Variants in GLI2 observed in about 807,000 individuals in gnomAD.
GLI2 encodes GLI family zinc finger 2, also known as transcription activator GLI2.
In GLI2, 22 loss-of-function variants were observed where a neutral mutation model predicts 78.9. The ratio of observed to expected loss-of-function variants is 0.28; its 90% CI spans 0.20 to 0.40. The LOEUF is 0.40. GLI2 is among the 10% of genes least tolerant of loss of function. The pLI, the probability that GLI2 is intolerant of heterozygous loss-of-function variation, is 1.00. For missense variants in GLI2, 2,097 were observed against 2,213.2 expected (o/e 0.95, Z 1.05); for synonymous variants, 974 against 963.7 (o/e 1.01, Z -0.20).
At chr2:120,933,207 G>A (rs942668632) in intron 3 of GLI2, among the ~76,000 whole-genome samples, 1 of 152,116 alleles carries the variant, frequency 6.6e-6, no homozygotes, top group South Asian at 2.1e-4. Context: ...AGCCCAGCTC[G>A]ATGGCCTCCT....
chr2:120,792,257 G>C (rs1160598160), intron 1 of GLI2: 1 of 152,214 alleles, frequency 6.6e-6, no homozygotes, highest in Non-Finnish European at 1.5e-5. Context: ...AACCTTTTCT[G>C]CGCCGTGGGC....
At position 120,737,835 on chromosome 2, in the gene GLI2, T is replaced by C. The variant is rs1682415909; in HGVS notation, c.-31+1550T>C. ...GTATTGGCATGCTCAGGGGGCTCGG[T>C]GCCAAAAAGTAAAGTAAATAAACTG... is the stretch of plus-strand genomic sequence containing the variant. On this transcript the variant is annotated intron_variant, in intron 1 of 13. Coordinates refer to ENST00000361492, the MANE Select transcript of GLI2 (RefSeq NM_001374353.1). The surrounding 1 kb of genome is among the most constrained non-coding windows in gnomAD (Gnocchi z 4.3). Among the ~76,000 whole-genome samples, 1 of 152,218 alleles carries C rather than the reference T, an allele frequency of 6.6e-6. No individual in the cohort carries two copies. Among genetic ancestry groups the C allele is most frequent in the African/African-American group, 2.4e-5 (1 of 41,450 alleles).
intron 9 of GLI2, 96 bp from the exon 10 acceptor site, chr2:120,978,338 T>TGG: frequency 7.5e-7 from 1 of 1,336,614 alleles, no homozygotes; most frequent in Non-Finnish European, 1.1e-6. Context: ...CGGGGAGGGC[T>TGG]GGGGGGGTGC....
chr2:120,813,030 C>A (rs1467725614), intron 2 of GLI2, among the ~76,000 whole-genome samples: 3 of 151,410 alleles, frequency 2.0e-5, no homozygotes, highest in Non-Finnish European at 4.4e-5. Context: ...ACTGCGAGGT[C>A]CCCAGACGAT....
rs1682201057 is a variant in GLI2 at position 120,971,986 on chromosome 2, G to A, written c.1105G>A (p.Val369Ile). Reference protein sequence around the residue: ...ESAVSSTVNPVAIHKRSKVKT... With the variant: ...ESAVSSTVNPIAIHKRSKVKT... ...GGCCGTCAGCAGCACCGTCAACCCT[G>A]TCGCCATTCACAAGCGCAGCAAGGT... Residue 369 changes from valine (V) to isoleucine (I), a missense_variant, in exon 8 of 14, where the codon GTC becomes ATC. By Grantham distance (29) the Val-to-Ile change is conservative. Around this residue, in one of 5 missense-constraint regions of GLI2, gnomAD observed 578 missense variants for 612.0 expected, o/e 0.94. Transcript: ENST00000361492. 2 of 1,613,626 alleles carry A rather than the reference G, an allele frequency of 1.2e-6. No individual in the cohort carries two copies. The highest frequency in any genetic ancestry group is 2.7e-5 in the African/African-American group (2 of 74,950).
At chr2:120,962,697 T>G (rs79764229) in intron 5 of GLI2, among the ~76,000 whole-genome samples, 2,745 of 152,330 alleles carry the variant, frequency 0.018, 90 homozygotes, top group African/African-American at 0.063. Context: ...CTTTTCTTTC[T>G]ATTTAGTAAT....
chr2:120,825,330 C>A (rs1685996358), intron 2 of GLI2, among the ~76,000 whole-genome samples: 1 of 147,218 alleles, frequency 6.8e-6, no homozygotes, highest in Non-Finnish European at 1.5e-5. Context: ...ATTAAAACAA[C>A]CTCACCTGGC....
At chr2:120,926,755 C>CCCGACAG (rs1679696741) in intron 2 of GLI2, among the ~76,000 whole-genome samples, 1 of 152,188 alleles carries the variant, frequency 6.6e-6, no homozygotes, top group South Asian at 2.1e-4. Context: ...CCTGGGGGCA[C>CCCGACAG]CCGACAGCGT....
chr2:120,841,271 A>G (rs190458360), intron 2 of GLI2, among the ~76,000 whole-genome samples: 38 of 152,188 alleles, frequency 2.5e-4, no homozygotes, highest in African/African-American at 8.4e-4. Flanking sequence ...TCCACTGGCT[A>G]AGTCACTCAC....
intron 5 of GLI2, among the ~76,000 whole-genome samples, chr2:120,961,365 C>T (rs1022408445): frequency 7.9e-5 from 12 of 152,228 alleles, no homozygotes; most frequent in Admixed American, 5.2e-4. Context: ...GATCCCTTTC[C>T]GAGACAGGAA....
In GLI2 at chr2:120,989,609, G is replaced by A. The variant is rs781353780; in HGVS notation, c.3644G>A (p.Ser1215Asn). ...CAGCTGCGACAGCCAGTGGCAGGCA[G>A]CCAGTGTCCTGGCATGACTACCACT... The part of the protein sequence containing the change: ...MQQLRQPVAG[S>N]QCPGMTTTMS... The change falls in exon 14 of 14, where the codon AGC (serine) becomes AAC (asparagine). Residue 1215 changes from serine to asparagine, a missense_variant. This residue lies in a region of GLI2 where 1,290 missense variants were observed against 1,261.7 expected (regional missense o/e 1.02). Coordinates refer to ENST00000361492, the MANE Select transcript of GLI2 (RefSeq NM_001374353.1). 1.2e-6 allele frequency: 2 copies of A among 1,612,758 alleles called. No homozygotes were observed. Among genetic ancestry groups the A allele is most frequent in the East Asian group, 4.5e-5 (2 of 44,850 alleles).
chr2:120,897,762 G>A (rs779253241), intron 2 of GLI2, among the ~76,000 whole-genome samples: 2 of 152,118 alleles, frequency 1.3e-5, no homozygotes, highest in Non-Finnish European at 2.9e-5. Flanking sequence ...TTCCCTTTCT[G>A]TACAATGAGT....
intron 2 of GLI2, among the ~76,000 whole-genome samples, chr2:120,914,448 G>C (rs1430637046): frequency 3.3e-5 from 5 of 152,242 alleles, no homozygotes; most frequent in Non-Finnish European, 7.3e-5. Context: ...TTTTGCAGTG[G>C]GGAGGCTGCA....
chr2:120,958,364 C>G (rs894396187), intron 5 of GLI2, among the ~76,000 whole-genome samples: 2 of 152,170 alleles, frequency 1.3e-5, no homozygotes, highest in Non-Finnish European at 1.5e-5. Flanking sequence ...GTAGGCAGCT[C>G]TGTCCACCTG....
intron 3 of GLI2, among the ~76,000 whole-genome samples, chr2:120,937,593 A>G (rs1409444274): frequency 6.6e-6 from 1 of 152,012 alleles, no homozygotes; most frequent in Admixed American, 6.6e-5. Flanking sequence ...CCTTTCCCCA[A>G]CCCCACCCAC....
At chr2:120,962,030 A>T in intron 5 of GLI2, among the ~76,000 whole-genome samples, 1 of 151,990 alleles carries the variant, frequency 6.6e-6, no homozygotes, top group East Asian at 1.9e-4. Context: ...CCGTGGGGGG[A>T]TCCCCAGCCC....
intron 2 of GLI2, among the ~76,000 whole-genome samples, chr2:120,923,462 A>G (rs995862332): frequency 6.6e-5 from 10 of 152,002 alleles, no homozygotes; most frequent in African/African-American, 2.2e-4. Context: ...CACATACAAC[A>G]ACACACACAT....
intron 1 of GLI2, among the ~76,000 whole-genome samples, chr2:120,744,395 T>C (rs2104624843): frequency 6.6e-6 from 1 of 152,338 alleles, no homozygotes; most frequent in South Asian, 2.1e-4. Flanking sequence ...TTGCCTTGTT[T>C]ATGTACTGAA....
At chr2:120,853,779 T>G (rs1297880965) in intron 2 of GLI2, among the ~76,000 whole-genome samples, 2 of 152,192 alleles carry the variant, frequency 1.3e-5, no homozygotes, top group African/African-American at 4.8e-5. Context: ...CCTTGGGACT[T>G]GCTTTGATTC....
Sources: gnomAD v4.1 joint callset for allele counts (sites outside exome capture counted in the v4.1 genomes callset) on GRCh38, gnomAD v4.1.1 for gene constraint, gnomAD v4.1.1 regional missense constraint, Gnocchi (gnomAD v3.1) non-coding constraint, MANE v1.5 for transcripts, NCBI Gene and HGNC (gene_info 2026-07-23, HGNC 2026-07-21) for gene names.